LRMDA: variants seen among roughly 807,000 people sequenced by gnomAD.
The protein encoded by LRMDA is leucine-rich melanocyte differentiation-associated protein.
LRMDA carries 18 observed loss-of-function variants against 29.8 expected under a neutral mutation model. That is an observed-to-expected ratio of 0.60 (90% CI 0.42 to 0.90). LRMDA has a LOEUF of 0.90. Ranked by LOEUF, LRMDA falls within the 40% of genes least tolerant of loss-of-function variation. The pLI is 0.00. For missense variants in LRMDA, 273 were observed against 273.9 expected, an observed-to-expected ratio of 1.00 and a Z score of 0.02; for synonymous variants, 125 against 109.4, an observed-to-expected ratio of 1.14 and a Z score of -0.89.
At chr10:76,069,761 C>T (rs890459433) in intron 5 of LRMDA, among the ~76,000 whole-genome samples, 4 of 152,162 alleles carry the variant, frequency 2.6e-5, no homozygotes, top group East Asian at 1.9e-4. Flanking sequence ...TGACCTGTCA[C>T]GTATTTTTGT....
intron 5 of LRMDA, among the ~76,000 whole-genome samples, chr10:76,138,509 G>A (rs540436772): frequency 6.6e-6 from 1 of 152,282 alleles, no homozygotes; most frequent in African/African-American, 2.4e-5. Flanking sequence ...ACCTGGCCAA[G>A]CGAGAACAAA....
intron 2 of LRMDA, among the ~76,000 whole-genome samples, chr10:75,897,817 C>CTTTTTTTTTT (rs3042518): frequency 1.0e-4 from 8 of 78,416 alleles, no homozygotes; most frequent in Non-Finnish European, 1.6e-4. Context: ...TTCTTCCTGC[C>CTTTTTTTTTT]TTTTTTTTTT....
intron 2 of LRMDA, among the ~76,000 whole-genome samples, chr10:75,654,565 C>T (rs1263810208): frequency 6.6e-6 from 1 of 152,210 alleles, no homozygotes; most frequent in Non-Finnish European, 1.5e-5. Flanking sequence ...CCTCTCCCCT[C>T]TCCTTCTCTT....
At position 76,007,031 on chromosome 10, in the gene LRMDA, T is replaced by TGTGTGTGTGTGTGTGTGTGC. The variant is rs1230411095; in HGVS notation, c.132-28976_132-28975insTGTGTGTGTGTGTGTGTGCG. Among the ~76,000 whole-genome samples the TGTGTGTGTGTGTGTGTGTGC allele has an allele frequency of 5.9e-4, 16 of 26,958 alleles. No individual in the cohort carries two copies. The East Asian group carries it at 0.011, about 19-fold the overall frequency. The allele number at this position is 26,958 out of a possible 152,430, so 17.7% of individuals were successfully genotyped here. On this transcript the variant is annotated intron_variant, in intron 2 of 6. Coordinates refer to ENST00000611255, the MANE Select transcript of LRMDA (RefSeq NM_001305581.2). ...GTGTGTGTGTGTGTGTGTGTGTGTG[T>TGTGTGTGTGTGTGTGTGTGC]GCGCGTGTGTGTTTATATATTTATT...
chr10:75,812,408 G>C (rs999132723), intron 2 of LRMDA, among the ~76,000 whole-genome samples: 5 of 152,106 alleles, frequency 3.3e-5, no homozygotes, highest in African/African-American at 1.2e-4. Context: ...ATTTACGATT[G>C]TGTGTTAAAA....
intron 2 of LRMDA, among the ~76,000 whole-genome samples, chr10:75,560,653 T>A (rs1249404652): frequency 6.7e-6 from 1 of 150,352 alleles, no homozygotes; most frequent in African/African-American, 2.4e-5. Context: ...CCATTCAGTA[T>A]GATATTGGCT....
intron 2 of LRMDA, among the ~76,000 whole-genome samples, chr10:75,792,457 G>T (rs1479654263): frequency 6.6e-6 from 1 of 152,150 alleles, no homozygotes; most frequent in Non-Finnish European, 1.5e-5. Context: ...TAGAGATGGG[G>T]TTTCACCATG....
At chr10:75,599,920 A>G (rs1237473141) in intron 2 of LRMDA, among the ~76,000 whole-genome samples, 2 of 152,292 alleles carry the variant, frequency 1.3e-5, no homozygotes, top group Non-Finnish European at 2.9e-5. Flanking sequence ...CAGGACTTGC[A>G]CTGCAAGCCC....
intron 2 of LRMDA, among the ~76,000 whole-genome samples, chr10:75,756,899 T>A (rs1480587111): frequency 6.6e-6 from 1 of 152,238 alleles, no homozygotes; most frequent in Non-Finnish European, 1.5e-5. Context: ...TGGAATCACT[T>A]TCTCAATCAT....
intron 6 of LRMDA, among the ~76,000 whole-genome samples, chr10:76,407,481 A>G (rs1841914562): frequency 6.6e-6 from 1 of 152,190 alleles, no homozygotes; most frequent in African/African-American, 2.4e-5. Context: ...TTTTCATCCA[A>G]TGCAAGAATA....
chr10:76,416,051 A>G (rs1842011020), intron 6 of LRMDA, among the ~76,000 whole-genome samples: 1 of 152,232 alleles, frequency 6.6e-6, no homozygotes, highest in Non-Finnish European at 1.5e-5. Flanking sequence ...TACACTTTGT[A>G]TCATATGGAA....
chr10:76,017,775 T>C (rs1482943668), intron 2 of LRMDA, among the ~76,000 whole-genome samples: 9 of 152,110 alleles, frequency 5.9e-5, no homozygotes, highest in Non-Finnish European at 1.5e-5. Flanking sequence ...CCATTTGGCA[T>C]GGGGTATTTT....
intron 5 of LRMDA, among the ~76,000 whole-genome samples, chr10:76,274,996 T>C (rs952810214): frequency 6.6e-6 from 1 of 152,164 alleles, no homozygotes; most frequent in Non-Finnish European, 1.5e-5. Context: ...GTGGAAGTTC[T>C]TTGGATGATA....
At position 75,629,220 on chromosome 10, in the gene LRMDA, A is replaced by C. The variant is rs574178450; in HGVS notation, c.131+190726A>C. 3.9e-5 allele frequency among the ~76,000 whole-genome samples: 6 copies of C among 152,334 alleles called. No homozygotes were observed. The East Asian group carries it at 9.6e-4, about 24-fold the overall frequency. On this transcript the variant is annotated intron_variant, in intron 2 of 6. Transcript: ENST00000611255. ...GAGGTTGACTTAGCATTCAGTATGAAAAAGGCCCTGCAGTCATCATCTTCA... is the reference window on the plus strand; with the variant it reads ...GAGGTTGACTTAGCATTCAGTATGACAAAGGCCCTGCAGTCATCATCTTCA...
chr10:75,811,610 C>A (rs1000295829), intron 2 of LRMDA, among the ~76,000 whole-genome samples: 22 of 152,182 alleles, frequency 1.4e-4, no homozygotes, highest in Non-Finnish European at 3.2e-4. Flanking sequence ...TAGAATAAAT[C>A]TGTTTGCTTA....
At chr10:75,827,564 C>G (rs1844268686) in intron 2 of LRMDA, among the ~76,000 whole-genome samples, 1 of 152,176 alleles carries the variant, frequency 6.6e-6, no homozygotes, top group South Asian at 2.1e-4. Context: ...CAACAGAAAC[C>G]TCTTCCTAAA....
At chr10:76,037,448 G>T (rs1848269233) in intron 3 of LRMDA, among the ~76,000 whole-genome samples, 1 of 152,240 alleles carries the variant, frequency 6.6e-6, no homozygotes, top group African/African-American at 2.4e-5. Flanking sequence ...ATGATTTGCA[G>T]AAGTATTTGT....
At chr10:76,408,412 A>G (rs1424634592) in intron 6 of LRMDA, among the ~76,000 whole-genome samples, 1 of 152,162 alleles carries the variant, frequency 6.6e-6, no homozygotes, top group African/African-American at 2.4e-5. Context: ...TTAAAAGCAT[A>G]ATTCTCATTG....
intron 6 of LRMDA, among the ~76,000 whole-genome samples, chr10:76,470,135 G>A (rs1263526547): frequency 6.6e-6 from 1 of 152,004 alleles, no homozygotes; most frequent in Non-Finnish European, 1.5e-5. Flanking sequence ...ACATTTCTAA[G>A]TAAACAAAAA....
Sources: gnomAD v4.1 joint callset for allele counts (sites outside exome capture counted in the v4.1 genomes callset) on GRCh38, gnomAD v4.1.1 for gene constraint, MANE v1.5 for transcripts, NCBI Gene and HGNC (gene_info 2026-07-23, HGNC 2026-07-21) for gene names.